Variants in NUP205 observed in about 807,000 individuals in gnomAD.
NUP205 encodes nuclear pore complex protein Nup205.
NUP205 carries 76 observed loss-of-function variants against 253.8 expected under a neutral mutation model. That is an observed-to-expected ratio of 0.30 (90% CI 0.25 to 0.36). The LOEUF is 0.36. Among genes scored for constraint, NUP205 ranks in the 10% least tolerant of loss-of-function variants. NUP205 has a pLI of 1.00. For synonymous variants in NUP205, 832 were observed against 850.1 expected (o/e 0.98, Z 0.37); for missense variants, 2,162 against 2,425.5 (o/e 0.89, Z 2.28).
chr7:135,564,289 C>T (rs1186850201), intron 1 of NUP205, among the ~76,000 whole-genome samples: 1 of 149,472 alleles, frequency 6.7e-6, no homozygotes, highest in Non-Finnish European at 1.5e-5. Flanking sequence ...CCCTGTCACC[C>T]AGGCTGGAGT....
chr7:135,638,833 G>GTAT, intron 38 of NUP205, 150 bp downstream of exon 38: 7 of 799,086 alleles, frequency 8.8e-6, no homozygotes, highest in Non-Finnish European at 1.4e-5. Context: ...TGAGCGGGAG[G>GTAT]TATTATTATT....
At chr7:135,631,411 CATT>C (rs754746041) in intron 35 of NUP205, among the ~76,000 whole-genome samples, 33 of 152,140 alleles carry the variant, frequency 2.2e-4, no homozygotes, top group Non-Finnish European at 3.2e-4. Context: ...CATTATGAAA[CATT>C]ATTAAGATAC....
chr7:135,584,876 G>T lies in NUP205; in HGVS notation c.1087G>T (p.Ala363Ser). 1 of 1,614,046 alleles carries T rather than the reference G, an allele frequency of 6.2e-7. No individual in the cohort carries two copies. The highest frequency in any genetic ancestry group is 1.7e-5 in the Admixed American group (1 of 60,022). ...GGCAGATGAAGCAATGGCAGAACTC[G>T]CAATTGCTGACAACGTTTTCCTGTT... ...TEADEAMAEL[A>S]IADNVFLFLM... is the part of the protein sequence containing the mutation. The change falls in exon 8 of 43, where the codon GCA (alanine) becomes TCA (serine). Residue 363 changes from alanine (A) to serine (S), a missense_variant. Physicochemically the swap from Ala to Ser is moderately conservative, Grantham distance 99 (BLOSUM62 1). Around this residue, in one of 5 missense-constraint regions of NUP205, gnomAD observed 892 missense variants for 957.1 expected, o/e 0.93. Coordinates refer to ENST00000285968, the MANE Select transcript of NUP205 (RefSeq NM_015135.3).
chr7:135,565,883 C>T (rs1261816380), intron 1 of NUP205, among the ~76,000 whole-genome samples: 1 of 152,100 alleles, frequency 6.6e-6, no homozygotes, highest in Non-Finnish European at 1.5e-5. Context: ...AAGGCTGAAA[C>T]CTACTCTATC....
chr7:135,645,634 C>A (rs1794992928), intron 41 of NUP205, 38 bp downstream of exon 41: 2 of 1,580,746 alleles, frequency 1.3e-6, no homozygotes, highest in Admixed American at 1.9e-5. Flanking sequence ...CCATAAATAC[C>A]TATTTGTGCC....
At chr7:135,641,017 A>G (rs1028056601) in intron 38 of NUP205, among the ~76,000 whole-genome samples, 10 of 151,960 alleles carry the variant, frequency 6.6e-5, no homozygotes, top group African/African-American at 2.4e-4. Context: ...GTGAGCCAAG[A>G]TCATGCCTCT....
At chr7:135,638,080 C>G in intron 37 of NUP205, 21 bp downstream of exon 37, 1 of 1,602,114 alleles carries the variant, frequency 6.2e-7, no homozygotes, top group Non-Finnish European at 8.5e-7. Context: ...TGTGACTTCT[C>G]TAAGGTTTTT....
chr7:135,593,338 TG>T (rs910355135), intron 12 of NUP205, 146 bp downstream of exon 12: 3 of 703,094 alleles, frequency 4.3e-6, no homozygotes, highest in Non-Finnish European at 7.0e-6. Flanking sequence ...TTAAGTTTTT[TG>T]TTTTTTGACC....
At chr7:135,631,609 A>G (rs1292584371) in intron 35 of NUP205, among the ~76,000 whole-genome samples, 1 of 152,180 alleles carries the variant, frequency 6.6e-6, no homozygotes, top group African/African-American at 2.4e-5. Flanking sequence ...TGCAACCATA[A>G]TATCCTCAGC....
chr7:135,587,072 CAG>C (rs896405090), intron 8 of NUP205, among the ~76,000 whole-genome samples: 5 of 145,858 alleles, frequency 3.4e-5, no homozygotes, highest in African/African-American at 7.6e-5. Context: ...TTTTTTTTAA[CAG>C]AATTTGTTTC....
intron 33 of NUP205, among the ~76,000 whole-genome samples, chr7:135,627,279 G>T (rs969373453): frequency 6.6e-6 from 1 of 152,206 alleles, no homozygotes; most frequent in Non-Finnish European, 1.5e-5. Flanking sequence ...ACTCTGAAAG[G>T]TTAAGTGATT....
intron 39 of NUP205, among the ~76,000 whole-genome samples, chr7:135,644,627 G>A (rs1225837221): frequency 4.6e-5 from 7 of 152,174 alleles, no homozygotes; most frequent in Admixed American, 2.6e-4. Context: ...AATGTGACAG[G>A]AAATTCAGGG....
intron 1 of NUP205, among the ~76,000 whole-genome samples, chr7:135,563,878 A>G (rs951686327): frequency 5.9e-5 from 9 of 151,962 alleles, no homozygotes; most frequent in African/African-American, 2.2e-4. Context: ...AATCCTAGCT[A>G]CTAGAGAAGC....
chr7:135,576,947 T>A, intron 4 of NUP205, 22 bp from the exon 5 acceptor site: 2 of 1,597,160 alleles, frequency 1.3e-6, no homozygotes, highest in Non-Finnish European at 1.7e-6. Context: ...TAACGTAGTT[T>A]ATTGATTTCT....
Position 135,591,453 on chromosome 7 carries a change from G to A in NUP205, c.1477G>A (p.Val493Ile). The A allele has an allele frequency of 1.2e-6, 2 of 1,613,458 alleles. No homozygotes were observed. Among genetic ancestry groups the A allele is most frequent in the Non-Finnish European group, 1.7e-6 (2 of 1,179,650 alleles). Residue 493 changes from valine to isoleucine, a missense_variant, in exon 11 of 43, where the codon GTC becomes ATC. By Grantham distance (29) the Val-to-Ile change is conservative (BLOSUM62 3). Around this residue, in one of 5 missense-constraint regions of NUP205, gnomAD observed 892 missense variants for 957.1 expected, o/e 0.93. Coordinates refer to ENST00000285968, the MANE Select transcript of NUP205 (RefSeq NM_015135.3). ...AHQRPPQRQV[V>I]LSKFVRQMGD... ...CATTTGTTTCTCTCTTTTTCAGGTTGTCTTGTCAAAGTTTGTTAGGCAAAT... is the reference window on the plus strand; with the variant it reads ...CATTTGTTTCTCTCTTTTTCAGGTTATCTTGTCAAAGTTTGTTAGGCAAAT...
At position 135,589,600 on chromosome 7, in the gene NUP205, T is replaced by C. The variant is rs568800248; in HGVS notation, c.1473+1608T>C. On this transcript the variant is annotated intron_variant, in intron 10 of 42. Coordinates refer to ENST00000285968, the MANE Select transcript of NUP205 (RefSeq NM_015135.3). ...ACTGTACCTGGCCCAGATGCCACTT[T>C]TTAAACTGTATTGTTTCAGTGTTTT... is the stretch of plus-strand genomic sequence containing the variant. Among the ~76,000 whole-genome samples the C allele has an allele frequency of 1.3e-4, 20 of 151,384 alleles. No homozygotes were observed. In the South Asian group the frequency reaches 4.0e-3, roughly 30 times the overall value.
intron 35 of NUP205, among the ~76,000 whole-genome samples, chr7:135,631,523 T>G (rs1235229707): frequency 2.6e-5 from 4 of 152,210 alleles, no homozygotes; most frequent in Non-Finnish European, 5.9e-5. Context: ...TCTTTTACAC[T>G]TCCTCTTCCA....
At chr7:135,574,503 A>G (rs1217639765) in intron 3 of NUP205, among the ~76,000 whole-genome samples, 2 of 152,128 alleles carry the variant, frequency 1.3e-5, no homozygotes, top group Non-Finnish European at 2.9e-5. Context: ...CTATTGGGTA[A>G]GGCTTTTCCG....
rs1243307334 is a variant in NUP205, at chr7:135,584,931, A to G, written c.1142A>G (p.Tyr381Cys). The change falls in exon 8 of 43, where the codon TAC (tyrosine) becomes TGC (cysteine). Residue 381 changes from tyrosine (Y) to cysteine (C), a missense_variant. This residue lies in a region of NUP205 where 892 missense variants were observed against 957.1 expected (regional missense o/e 0.93). Coordinates refer to ENST00000285968, the MANE Select transcript of NUP205 (RefSeq NM_015135.3). ...FLMESVVVSEYFYQEEFYIRR... is the reference protein window; with the variant it reads ...FLMESVVVSECFYQEEFYIRR... ...ATGGAATCTGTAGTGGTATCAGAAT[A>G]CTTTTATCAGGAAGAATTTTATATT... The G allele has an allele frequency of 1.9e-6, 3 of 1,613,810 alleles. No individual in the cohort carries two copies. The highest frequency in any genetic ancestry group is 1.7e-5 in the Admixed American group (1 of 60,026).
Sources: allele counts gnomAD v4.1 joint callset (sites outside exome capture counted in the v4.1 genomes callset), GRCh38; gene constraint gnomAD v4.1.1; regional missense constraint gnomAD v4.1.1; transcripts MANE v1.5; gene names NCBI Gene and HGNC (gene_info 2026-07-23, HGNC 2026-07-21).